Variants in WWOX observed in about 807,000 individuals in gnomAD.
WWOX encodes WW domain containing oxidoreductase.
WWOX carries 69 observed loss-of-function variants against 46.2 expected under a neutral mutation model. The observed-to-expected ratio is 1.49, with a 90% CI of 1.23 to 1.82. The LOEUF (loss-of-function observed/expected upper bound fraction) is 1.82, where lower values mean the gene tolerates loss of function less well. WWOX is among the 40% of genes most tolerant of loss of function. WWOX has a pLI of 0.00. For synonymous variants in WWOX, 359 were observed against 202.6 expected (o/e 1.77, Z -6.56); for missense variants, 919 against 542.6 (o/e 1.69, Z -6.89).
At chr16:79,049,497 A>G (rs1169549163) in intron 8 of WWOX, among the ~76,000 whole-genome samples, 1 of 152,144 alleles carries the variant, frequency 6.6e-6, no homozygotes, top group Non-Finnish European at 1.5e-5. Flanking sequence ...GAGAATGATC[A>G]GGAAGGCCAA....
chr16:78,897,467 G>A (rs1597121441), intron 8 of WWOX: 4 of 151,940 alleles, frequency 2.6e-5, no homozygotes, highest in Admixed American at 2.6e-4. Flanking sequence ...TTCACATAAT[G>A]TTTTTGTGAT....
chr16:78,533,055 G>A (rs532546407), intron 8 of WWOX, among the ~76,000 whole-genome samples: 2 of 152,230 alleles, frequency 1.3e-5, no homozygotes, highest in African/African-American at 4.8e-5. Flanking sequence ...CTGGGAGGGT[G>A]GGAGCCAGAC....
intron 8 of WWOX, among the ~76,000 whole-genome samples, chr16:78,864,434 A>C (rs1322967698): frequency 6.6e-6 from 1 of 151,940 alleles, no homozygotes; most frequent in Non-Finnish European, 1.5e-5. Flanking sequence ...CACCCAGCTA[A>C]GTTTTGTATT....
chr16:78,484,588 C>T (rs925153401), intron 8 of WWOX, among the ~76,000 whole-genome samples: 22 of 152,088 alleles, frequency 1.4e-4, no homozygotes, highest in African/African-American at 3.4e-4. Context: ...TTGGGTTTTA[C>T]GTTACAATTT....
intron 8 of WWOX, among the ~76,000 whole-genome samples, chr16:78,990,894 T>C (rs1247391820): frequency 1.3e-5 from 2 of 152,190 alleles, no homozygotes; most frequent in Admixed American, 6.5e-5. Flanking sequence ...GAACACAGCA[T>C]GAGTGATTTT....
At chr16:78,781,051 C>T (rs575721382) in intron 8 of WWOX, among the ~76,000 whole-genome samples, 3 of 152,266 alleles carry the variant, frequency 2.0e-5, no homozygotes, top group South Asian at 2.1e-4. Flanking sequence ...TGTTTTGCAG[C>T]TGCAACCTCA....
chr16:78,872,420 G>A (rs1222230132), intron 8 of WWOX, among the ~76,000 whole-genome samples: 1 of 152,062 alleles, frequency 6.6e-6, no homozygotes, highest in African/African-American at 2.4e-5. Flanking sequence ...TTTAAAGAAG[G>A]GAGTTAAAGG....
At chr16:79,194,701 G>C (rs2051204052) in intron 8 of WWOX, among the ~76,000 whole-genome samples, 1 of 152,128 alleles carries the variant, frequency 6.6e-6, no homozygotes, top group Admixed American at 6.5e-5. Flanking sequence ...GCTGAGTCAG[G>C]AGGTGCTACT....
At chr16:78,846,179 A>G (rs1273686356) in intron 8 of WWOX, among the ~76,000 whole-genome samples, 1 of 152,230 alleles carries the variant, frequency 6.6e-6, no homozygotes, top group African/African-American at 2.4e-5. Context: ...CAGAAAAGCC[A>G]TAAAAAATAC....
intron 8 of WWOX, among the ~76,000 whole-genome samples, chr16:78,619,638 C>T (rs931733712): frequency 4.6e-5 from 7 of 151,918 alleles, no homozygotes; most frequent in African/African-American, 7.3e-5. Context: ...GGCGTGGTGG[C>T]TCATGTCTGT....
chr16:78,439,563 G>A (rs956757598), intron 8 of WWOX, among the ~76,000 whole-genome samples: 6 of 152,200 alleles, frequency 3.9e-5, no homozygotes, highest in African/African-American at 1.2e-4. Context: ...GTTGGAAAAG[G>A]GCAAAGGATT....
At chr16:78,155,546 G>A (rs765725086) in intron 4 of WWOX, among the ~76,000 whole-genome samples, 1 of 152,196 alleles carries the variant, frequency 6.6e-6, no homozygotes, top group Non-Finnish European at 1.5e-5. Context: ...TGTAACAAGT[G>A]CTAGAAAAAC....
At chr16:78,969,993 A>G (rs2046439348) in intron 8 of WWOX, among the ~76,000 whole-genome samples, 2 of 152,244 alleles carry the variant, frequency 1.3e-5, no homozygotes, top group South Asian at 2.1e-4. Context: ...GGTGAATTGT[A>G]TGGTATATGA....
intron 4 of WWOX, among the ~76,000 whole-genome samples, chr16:78,162,676 T>C (rs1216916089): frequency 6.6e-6 from 1 of 152,198 alleles, no homozygotes. Flanking sequence ...CATTCTGTCT[T>C]TAAATATTGC....
At chr16:78,772,431 T>A (rs1361195066) in intron 8 of WWOX, among the ~76,000 whole-genome samples, 1 of 152,214 alleles carries the variant, frequency 6.6e-6, no homozygotes, top group Admixed American at 6.5e-5. Flanking sequence ...TTTTTTTTAA[T>A]CCAATCTGTC....
At chr16:79,206,428 C>T (rs1007711243) in intron 8 of WWOX, 1 of 152,228 alleles carries the variant, frequency 6.6e-6, no homozygotes, top group Non-Finnish European at 1.5e-5. Flanking sequence ...TGCTTTTGAT[C>T]TCTGATATCA....
rs1258416152 is a variant in WWOX at position 78,144,433 on chromosome 16, A to ATATATATATATACG, written c.410-19738_410-19737insCGTATATATATATA. Among the ~76,000 whole-genome samples, 77 of 15,902 alleles carry ATATATATATATACG rather than the reference A, an allele frequency of 4.8e-3. 13 individuals are homozygous for ATATATATATATACG. Among genetic ancestry groups the ATATATATATATACG allele is most frequent in the African/African-American group, 0.01 (24 of 2,384 alleles). 10.4% of individuals were successfully genotyped at this position (15,902 alleles called of 152,430 possible). On this transcript the variant is annotated intron_variant, in intron 4 of 8. Transcript: ENST00000566780. The stretch of plus-strand genomic sequence containing the variant: ...CAAACGTGGTTTTTGCCATTACTAT[A>ATATATATATATACG]TATATATATATATACACATATATAT...
intron 8 of WWOX, among the ~76,000 whole-genome samples, chr16:78,950,502 C>G (rs1440530667): frequency 1.4e-5 from 2 of 146,154 alleles, no homozygotes; most frequent in Admixed American, 1.4e-4. Flanking sequence ...CAAAGCAAAC[C>G]CTGGCTATTA....
intron 5 of WWOX, among the ~76,000 whole-genome samples, chr16:78,336,987 G>C (rs2080906517): frequency 6.6e-6 from 1 of 151,960 alleles, no homozygotes; most frequent in Non-Finnish European, 1.5e-5. Context: ...CAGCATGTTG[G>C]CCAGGCTGGT....
Sources: allele counts gnomAD v4.1 joint callset (sites outside exome capture counted in the v4.1 genomes callset), GRCh38; gene constraint gnomAD v4.1.1; transcripts MANE v1.5; gene names NCBI Gene and HGNC (gene_info 2026-07-23, HGNC 2026-07-21).